Variants in TRAF3 observed in about 807,000 individuals in gnomAD.
The protein encoded by TRAF3 is TNF receptor associated factor 3.
Under a neutral mutation model 62.3 loss-of-function variants are expected in TRAF3, and 13 were observed. The observed-to-expected ratio is 0.21, with a 90% CI of 0.14 to 0.33. TRAF3 has a LOEUF of 0.33. TRAF3 is among the 10% of genes least tolerant of loss of function. TRAF3 has a pLI of 1.00. For synonymous variants in TRAF3, 269 were observed against 283.4 expected, an observed-to-expected ratio of 0.95 and a Z score of 0.51; for missense variants, 440 against 741.8, an observed-to-expected ratio of 0.59 and a Z score of 4.73.
chr14:102,876,504 G>A lies in TRAF3; in HGVS notation c.549G>A (p.Gln183=), dbSNP rs761467469. ...REATCSHCKS[Q]VPMIALQKHE... The stretch of plus-strand genomic sequence containing the variant: ...CCACATGCAGCCACTGCAAGAGTCA[G>A]GTTCCGATGATCGCGCTGCAGGTGC... Residue 183 remains glutamine, a synonymous_variant, in exon 6 of 12, where the codon CAG becomes CAA. Transcript: ENST00000392745. 4 of 1,614,078 alleles carry A rather than the reference G, an allele frequency of 2.5e-6. No homozygotes were observed. Among genetic ancestry groups the A allele is most frequent in the Admixed American group, 1.7e-5 (1 of 60,020 alleles).
chr14:102,880,205 A>G (rs1223606440), intron 6 of TRAF3, among the ~76,000 whole-genome samples: 2 of 152,206 alleles, frequency 1.3e-5, no homozygotes, highest in Non-Finnish European at 2.9e-5. Flanking sequence ...CAGGCTGTGC[A>G]TAATGGCTCA....
rs142501447 is a variant in TRAF3 at position 102,905,655 on chromosome 14, A to C, written c.1578A>C (p.Gly526=). The change falls in exon 12 of 12, where the codon GGA becomes GGC. Residue 526 remains glycine (G), a synonymous_variant. Transcript: ENST00000392745. ...GCAGCAGCTTCAAGAAGCCCACTGGAGAGATGAATATCGCCTCTGGCTGCC... is the reference window on the plus strand; with the variant it reads ...GCAGCAGCTTCAAGAAGCCCACTGGCGAGATGAATATCGCCTCTGGCTGCC... ...PNSSSFKKPT[G]EMNIASGCPV... is the part of the protein sequence containing the mutation. The C allele has an allele frequency of 1.2e-6, 2 of 1,613,712 alleles. No individual in the cohort carries two copies. The highest frequency in any genetic ancestry group is 2.7e-5 in the African/African-American group (2 of 74,932).
chr14:102,808,228 C>T (rs901893704), intron 1 of TRAF3, among the ~76,000 whole-genome samples: 2 of 152,098 alleles, frequency 1.3e-5, no homozygotes, highest in African/African-American at 4.8e-5. Flanking sequence ...GAAGAACACA[C>T]TAGGCCAGGT....
At chr14:102,900,139 G>A (rs1465268354) in intron 10 of TRAF3, among the ~76,000 whole-genome samples, 3 of 133,994 alleles carry the variant, frequency 2.2e-5, no homozygotes, top group Non-Finnish European at 4.6e-5. Context: ...AGATAGCGCC[G>A]CTGCAGTCAG....
At chr14:102,904,952 A>G (rs1890511623) in intron 11 of TRAF3, among the ~76,000 whole-genome samples, 1 of 152,072 alleles carries the variant, frequency 6.6e-6, no homozygotes, top group East Asian at 1.9e-4. Context: ...TCCCTACTAA[A>G]AATACAAAAA....
intron 2 of TRAF3, among the ~76,000 whole-genome samples, chr14:102,866,209 G>T (rs550446258): frequency 2.0e-5 from 3 of 152,262 alleles, no homozygotes; most frequent in African/African-American, 7.2e-5. Context: ...GTTCTCACTC[G>T]TAAGTGGGAG....
At chr14:102,883,913 G>A (rs933737035) in intron 6 of TRAF3, among the ~76,000 whole-genome samples, 3 of 152,182 alleles carry the variant, frequency 2.0e-5, no homozygotes, top group Non-Finnish European at 2.9e-5. Context: ...ATATGTTTGT[G>A]TGATCAGAAT....
chr14:102,876,321 T>C (rs771296980), intron 5 of TRAF3, 37 bp from the exon 6 acceptor site: 1 of 1,612,204 alleles, frequency 6.2e-7, no homozygotes, highest in South Asian at 1.1e-5. Flanking sequence ...TTAGGGTTTT[T>C]TTCCCAATTA....
intron 1 of TRAF3, among the ~76,000 whole-genome samples, chr14:102,820,573 C>CATACATATATAT (rs1899838564): frequency 4.2e-5 from 1 of 23,592 alleles, no homozygotes; most frequent in Non-Finnish European, 7.6e-5. Context: ...ATGGGACCAG[C>CATACATATATAT]ATATATATAT....
intron 10 of TRAF3, among the ~76,000 whole-genome samples, chr14:102,899,052 C>T (rs1166611687): frequency 2.6e-5 from 4 of 152,050 alleles, no homozygotes; most frequent in Admixed American, 6.5e-5. Context: ...GCAGGCTGCC[C>T]GCGCCTGATT....
rs1047287310 is a variant in TRAF3 at position 102,892,068 on chromosome 14, T to C, written c.819+651T>C. ...TGTTCTTTTTTTTTTTTTTTTTTTT[T>C]CCCCAAGACGGAGTTTTGCTCTTGT... On this transcript the variant is annotated intron_variant, in intron 9 of 11. Coordinates refer to ENST00000392745, the MANE Select transcript of TRAF3 (RefSeq NM_145725.3). Among the ~76,000 whole-genome samples the C allele has an allele frequency of 1.5e-3, 219 of 144,390 alleles. 1 individual carries two copies. Among genetic ancestry groups the C allele is most frequent in the East Asian group, 2.9e-3 (15 of 5,122 alleles). The allele number at this position is 144,390 out of a possible 152,430, so 94.7% of individuals were successfully genotyped here.
chr14:102,848,198 G>C (rs894882581), intron 2 of TRAF3, among the ~76,000 whole-genome samples: 1 of 152,218 alleles, frequency 6.6e-6, no homozygotes, highest in Admixed American at 6.5e-5. Context: ...TTGAGTGGCT[G>C]AGGTGGGAGG....
intron 1 of TRAF3, among the ~76,000 whole-genome samples, chr14:102,788,886 G>A (rs907635160): frequency 6.6e-6 from 1 of 152,016 alleles, no homozygotes; most frequent in South Asian, 2.1e-4. Flanking sequence ...CAGGAGGATC[G>A]CTTGAGCCCA....
At chr14:102,848,039 A>T (rs1886824443) in intron 2 of TRAF3, among the ~76,000 whole-genome samples, 1 of 152,128 alleles carries the variant, frequency 6.6e-6, no homozygotes, top group Admixed American at 6.6e-5. Flanking sequence ...AAGGTTCCCC[A>T]CTGCAAGGAA....
rs938957988 is a variant in TRAF3, at chr14:102,826,408, G to A, written c.-156-3926G>A. 1.2e-4 allele frequency among the ~76,000 whole-genome samples: 18 copies of A among 152,314 alleles called. 1 individual carries two copies. The highest frequency in any genetic ancestry group is 6.8e-3 in the Middle Eastern group (2 of 294). On this transcript the variant is annotated intron_variant, in intron 1 of 11. Coordinates refer to ENST00000392745, the MANE Select transcript of TRAF3 (RefSeq NM_145725.3). This position sits in a 1 kb window ranked among gnomAD's most constrained non-coding sequence, Gnocchi z 4.6. ...GACCGCCACTGCAGGGCTTCTGTGC[G>A]GGGGCAGCTGCAGAGCCGCCGCTTC...
intron 1 of TRAF3, among the ~76,000 whole-genome samples, chr14:102,797,597 T>C (rs143518945): frequency 1.1e-3 from 161 of 152,316 alleles, no homozygotes; most frequent in Non-Finnish European, 1.9e-3. Context: ...AGGCAAATCA[T>C]TGAATCTCTT....
intron 10 of TRAF3, among the ~76,000 whole-genome samples, chr14:102,899,089 C>T (rs1352418732): frequency 6.6e-6 from 1 of 152,202 alleles, no homozygotes; most frequent in East Asian, 1.9e-4. Flanking sequence ...CACGGCTCTG[C>T]CTGAAACATG....
In TRAF3 at chr14:102,870,267, C is replaced by T. The variant is rs768589372; in HGVS notation, c.66C>T (p.His22=). The T allele has an allele frequency of 1.2e-6, 2 of 1,614,102 alleles. No individual in the cohort carries two copies. Among genetic ancestry groups the T allele is most frequent in the Admixed American group, 1.7e-5 (1 of 60,004 alleles). ...AGACTAACCCGCCGCTAAAGCTGCA[C>T]ACTGACCGCAGTGCTGGGACGCCAG... The part of the protein sequence containing the change: ...ALQTNPPLKL[H]TDRSAGTPVF... Residue 22 remains histidine, a synonymous_variant, in exon 3 of 12, where the codon CAC becomes CAT. Transcript: ENST00000392745.
chr14:102,812,512 G>T (rs1223982849), intron 1 of TRAF3, among the ~76,000 whole-genome samples: 1 of 152,192 alleles, frequency 6.6e-6, no homozygotes, highest in Non-Finnish European at 1.5e-5. Context: ...TAAATTCCCA[G>T]TAGTGGGATT....
Sources: gnomAD v4.1 joint callset for allele counts (sites outside exome capture counted in the v4.1 genomes callset) on GRCh38, gnomAD v4.1.1 for gene constraint, Gnocchi (gnomAD v3.1) non-coding constraint, MANE v1.5 for transcripts, NCBI Gene and HGNC (gene_info 2026-07-23, HGNC 2026-07-21) for gene names.